Variants in YBEY observed in about 807,000 individuals in gnomAD.
YBEY encodes ybeY metalloendoribonuclease, also known as endoribonuclease YbeY.
A neutral mutation model predicts 13.5 loss-of-function variants in YBEY; 15 were observed. The ratio of observed to expected loss-of-function variants is 1.11; its 90% CI spans 0.75 to 1.72. The LOEUF (loss-of-function observed/expected upper bound fraction) is 1.72. YBEY is among the 40% of genes most tolerant of loss of function. YBEY has a pLI of 0.00. For missense variants in YBEY, 244 were observed against 208.4 expected, an observed-to-expected ratio of 1.17 and a Z score of -1.05; for synonymous variants, 101 against 83.1, an observed-to-expected ratio of 1.21 and a Z score of -1.17.
At chr21:46,306,637 C>A in the YBEY span, among the ~76,000 whole-genome samples, 4 of 152,166 alleles carry the variant, frequency 2.6e-5, no homozygotes, top group Admixed American at 6.5e-5. Flanking sequence ...GCCCAGACTG[C>A]AGTACAGTGG....
intron 2 of YBEY, among the ~76,000 whole-genome samples, chr21:46,288,957 G>C (rs1278062902): frequency 2.0e-5 from 3 of 152,152 alleles, no homozygotes; most frequent in Non-Finnish European, 2.9e-5. Context: ...TCAAGAAACT[G>C]AGGCTGCAGT....
chr21:46,286,719 T>G (rs2081451471), intron 1 of YBEY, 151 bp from the exon 2 acceptor site: 2 of 565,528 alleles, frequency 3.5e-6, no homozygotes, highest in Admixed American at 3.5e-5. Context: ...TAGACCCTCG[T>G]TGTTGCTTCC....
At chr21:46,302,283 A>G (rs1182870114), downstream of YBEY, 28 of 1,400,002 alleles carry the variant, frequency 2.0e-5, no homozygotes, top group Middle Eastern at 7.8e-4. Context: ...ATCCTCCCAG[A>G]GGAGGCTCCT....
chr21:46,286,636 T>A, intron 1 of YBEY: 1 of 71,672 alleles, frequency 1.4e-5, no homozygotes, highest in Non-Finnish European at 2.6e-5. Context: ...ACCCGCCCCC[T>A]TTTCTCTGGG....
the YBEY span, among the ~76,000 whole-genome samples, chr21:46,305,423 G>A: frequency 6.8e-6 from 1 of 148,008 alleles, no homozygotes; most frequent in South Asian, 2.1e-4. Flanking sequence ...TGGACCTCCT[G>A]GGCTCAAGGG....
At chr21:46,309,763 G>A in the YBEY span, among the ~76,000 whole-genome samples, 10 of 152,040 alleles carry the variant, frequency 6.6e-5, no homozygotes, top group African/African-American at 2.2e-4. Context: ...TTGGGAGGCT[G>A]AGGTGGGTGG....
downstream of YBEY, among the ~76,000 whole-genome samples, chr21:46,299,239 A>T (rs147599474): frequency 1.3e-5 from 2 of 152,146 alleles, no homozygotes; most frequent in African/African-American, 4.8e-5. Context: ...AAGTGCTGAC[A>T]TTATAGGTGT....
At chr21:46,312,038 C>CCCAA in the YBEY span, among the ~76,000 whole-genome samples, 6,586 of 128,046 alleles carry the variant, frequency 0.051, 216 homozygotes, top group Middle Eastern at 0.12. Flanking sequence ...CATCCACCTA[C>CCCAA]CCAACCAACC....
chr21:46,301,455 G>T, downstream of YBEY: 1 of 960,464 alleles, frequency 1.0e-6, no homozygotes, highest in Non-Finnish European at 1.2e-6. Flanking sequence ...CTTCTTTAGT[G>T]GGAGTCTGTG....
At chr21:46,299,298 C>T (rs1569108264), downstream of YBEY, among the ~76,000 whole-genome samples, 1 of 152,114 alleles carries the variant, frequency 6.6e-6, no homozygotes, top group Non-Finnish European at 1.5e-5. Flanking sequence ...GGAATGTGAG[C>T]AAATGCCCTT....
the YBEY span, among the ~76,000 whole-genome samples, chr21:46,312,554 G>A: frequency 6.6e-6 from 1 of 151,840 alleles, no homozygotes; most frequent in Non-Finnish European, 1.5e-5. Flanking sequence ...CCTGACCTCA[G>A]GAGAGCCACC....
the YBEY span, among the ~76,000 whole-genome samples, chr21:46,305,234 G>A: frequency 3.7e-4 from 56 of 151,904 alleles, no homozygotes; most frequent in Admixed American, 1.0e-3. Context: ...CTGCGGCACA[G>A]CAGTGACTAC....
chr21:46,305,643 T>A, the YBEY span, among the ~76,000 whole-genome samples: 292 of 152,164 alleles, frequency 1.9e-3, 3 homozygotes, highest in Non-Finnish European at 1.3e-3. Flanking sequence ...AATTAACTTT[T>A]AAAAAAAGAA....
At chr21:46,311,392 G>T in the YBEY span, 1 of 967,980 alleles carries the variant, frequency 1.0e-6, no homozygotes, top group Non-Finnish European at 1.5e-6. Flanking sequence ...CTGCTTCCAG[G>T]AACATTTTCC....
At chr21:46,289,410 C>A (rs1328157771) in intron 2 of YBEY, among the ~76,000 whole-genome samples, 2 of 150,602 alleles carry the variant, frequency 1.3e-5, no homozygotes, top group Non-Finnish European at 2.9e-5. Context: ...TGTGGATATT[C>A]GCATATTCAG....
At chr21:46,296,337 G>A (rs1339316472) in intron 4 of YBEY, 107 bp downstream of exon 4, 13 of 1,268,626 alleles carry the variant, frequency 1.0e-5, no homozygotes, top group Middle Eastern at 4.4e-4. Flanking sequence ...CGCAGGAACT[G>A]GACCTCAGAC....
chr21:46,305,297 GGTTT>G, the YBEY span, among the ~76,000 whole-genome samples: 1 of 143,234 alleles, frequency 7.0e-6, no homozygotes, highest in Non-Finnish European at 1.5e-5. Context: ...AAAGTTACAT[GGTTT>G]TTTTTTTTTT....
downstream of YBEY, chr21:46,301,213 C>T (rs2082096004): frequency 5.0e-6 from 2 of 402,148 alleles, no homozygotes; most frequent in African/African-American, 2.2e-5. Flanking sequence ...TCCATCAGAG[C>T]TCACTGCAGC....
Position 46,297,345 on chromosome 21 carries a change from G to T in YBEY, c.409-194G>T, listed in dbSNP as rs1356463933. ...CCCGCTTATTCTCCCGGCCTGTGGC[G>T]GTTCGTGCACTCGCTGAGCTCAGGT... On this transcript the variant is annotated intron_variant, in intron 4 of 4. Coordinates refer to ENST00000397701, the MANE Select transcript of YBEY (RefSeq NM_001314025.2). Among the ~76,000 whole-genome samples the T allele has an allele frequency of 2.0e-5, 3 of 151,634 alleles. No homozygotes were observed. The East Asian group carries it at 5.8e-4, about 30-fold the overall frequency.
Sources: allele counts gnomAD v4.1 joint callset (sites outside exome capture counted in the v4.1 genomes callset), GRCh38; gene constraint gnomAD v4.1.1; transcripts MANE v1.5; gene names NCBI Gene and HGNC (gene_info 2026-07-23, HGNC 2026-07-21).